The following PROM1 variants were observed in gnomAD, a reference collection of about 807,000 sequenced individuals.
The protein encoded by PROM1 is prominin-1.
A neutral mutation model predicts 116.9 loss-of-function variants in PROM1; 105 were observed. The observed-to-expected ratio is 0.90, with a 90% CI of 0.77 to 1.06. The LOEUF (loss-of-function observed/expected upper bound fraction) is 1.06. Ranked by LOEUF, PROM1 falls within the 50% of genes least tolerant of loss-of-function variation. The pLI, the probability that PROM1 is intolerant of heterozygous loss-of-function variation, is 0.00. For missense variants in PROM1, 1,122 were observed against 1,045.2 expected, an observed-to-expected ratio of 1.07 and a Z score of -1.01; for synonymous variants, 393 against 387.0, an observed-to-expected ratio of 1.02 and a Z score of -0.18.
chr4:15,996,146 G>C (rs1313112927), intron 15 of PROM1, among the ~76,000 whole-genome samples: 1 of 152,208 alleles, frequency 6.6e-6, no homozygotes, highest in Non-Finnish European at 1.5e-5. Flanking sequence ...GCACCATGCA[G>C]GTGCTAGCTC....
chr4:16,034,729 G>A (rs891752213), intron 4 of PROM1, among the ~76,000 whole-genome samples: 4 of 152,136 alleles, frequency 2.6e-5, no homozygotes, highest in African/African-American at 4.8e-5. Flanking sequence ...AGACAGCTGC[G>A]AATTCTGAAG....
At chr4:16,056,843 A>G (rs1305263432) in intron 2 of PROM1, among the ~76,000 whole-genome samples, 1 of 152,146 alleles carries the variant, frequency 6.6e-6, no homozygotes. Flanking sequence ...CTCTCTGCCC[A>G]TTAGGAGGCC....
intron 1 of PROM1, among the ~76,000 whole-genome samples, chr4:16,077,742 A>T (rs868057678): frequency 2.6e-5 from 4 of 152,192 alleles, no homozygotes; most frequent in Admixed American, 6.5e-5. Context: ...AGGCTCTAGT[A>T]CGAGCCACTG....
At chr4:16,047,322 A>G (rs1010118777) in intron 2 of PROM1, among the ~76,000 whole-genome samples, 1 of 152,112 alleles carries the variant, frequency 6.6e-6, no homozygotes, top group African/African-American at 2.4e-5. Flanking sequence ...CTCCTGCCTC[A>G]GCCTCCCAAG....
At chr4:15,991,833 G>T (rs535724204) in intron 17 of PROM1, among the ~76,000 whole-genome samples, 20 of 151,718 alleles carry the variant, frequency 1.3e-4, no homozygotes, top group Non-Finnish European at 2.8e-4. Context: ...CCACTCGGGA[G>T]GCTGAGGCAG....
chr4:15,972,130 TCTC>T (rs906801263), intron 26 of PROM1, among the ~76,000 whole-genome samples: 6 of 152,078 alleles, frequency 3.9e-5, no homozygotes, highest in African/African-American at 1.2e-4. Context: ...CACTGGTTCT[TCTC>T]CTCCTGCCTA....
chr4:15,984,527 G>T (rs577009037), intron 22 of PROM1, among the ~76,000 whole-genome samples, 172 bp from the exon 23 acceptor site: 1 of 152,220 alleles, frequency 6.6e-6, no homozygotes, highest in African/African-American at 2.4e-5. Flanking sequence ...CCGGTCCACA[G>T]CCTGTTAGGA....
rs1156697173 is a variant in PROM1 at position 16,006,616 on chromosome 4, C to G, written c.1376G>C (p.Gly459Ala). The change falls in exon 13 of 28, where the codon GGC becomes GCC. Residue 459 changes from glycine to alanine, a missense_variant. Physicochemically the swap from Gly to Ala is moderately conservative, Grantham distance 60. Coordinates refer to ENST00000447510, the MANE Select transcript of PROM1 (RefSeq NM_006017.3). ...GGCATGCCTGTCATAGCCGCACACG[C>G]CACACAGTAAGCCCAGGTAGTAAAA... ...VIFYYLGLLC[G>A]VCGYDRHATP... 1 of 1,611,466 alleles carries G rather than the reference C, an allele frequency of 6.2e-7. No homozygotes were observed. The highest frequency in any genetic ancestry group is 1.7e-5 in the Admixed American group (1 of 59,684).
intron 2 of PROM1, among the ~76,000 whole-genome samples, chr4:16,063,500 G>A (rs1422890867): frequency 6.6e-6 from 1 of 152,206 alleles, no homozygotes; most frequent in Non-Finnish European, 1.5e-5. Flanking sequence ...GGAGGCCGAA[G>A]CAGGAGAATC....
chr4:16,028,518 C>A (rs1004919994), intron 5 of PROM1, among the ~76,000 whole-genome samples: 18 of 152,172 alleles, frequency 1.2e-4, no homozygotes, highest in Non-Finnish European at 2.6e-4. Context: ...TGCAGACCAA[C>A]TGATGGTCTC....
At chr4:15,998,215 G>C (rs1722809344) in intron 15 of PROM1, among the ~76,000 whole-genome samples, 170 bp downstream of exon 15, 1 of 152,156 alleles carries the variant, frequency 6.6e-6, no homozygotes, top group South Asian at 2.1e-4. Flanking sequence ...TCAGTAGAAG[G>C]AATATATTTT....
At chr4:16,054,147 T>C (rs1429223590) in intron 2 of PROM1, among the ~76,000 whole-genome samples, 1 of 152,146 alleles carries the variant, frequency 6.6e-6, no homozygotes, top group Non-Finnish European at 1.5e-5. Flanking sequence ...TTGCATTCCA[T>C]CATCCAGTTC....
chr4:16,009,492 C>T (rs949624095), intron 11 of PROM1, among the ~76,000 whole-genome samples: 2 of 152,148 alleles, frequency 1.3e-5, no homozygotes. Flanking sequence ...TTGCTAACAG[C>T]GACCCGGAGG....
At chr4:16,011,815 A>C (rs1726943967) in intron 11 of PROM1, among the ~76,000 whole-genome samples, 1 of 152,220 alleles carries the variant, frequency 6.6e-6, no homozygotes, top group Non-Finnish European at 1.5e-5. Flanking sequence ...AAGATAAAAC[A>C]CTTTTCTACT....
At chr4:16,021,146 A>C (rs1729758924) in intron 8 of PROM1, among the ~76,000 whole-genome samples, 2 of 151,758 alleles carry the variant, frequency 1.3e-5, no homozygotes, top group Admixed American at 1.3e-4. Flanking sequence ...ATGTTTTAAG[A>C]AGTTCTGGCA....
intron 8 of PROM1, among the ~76,000 whole-genome samples, chr4:16,020,080 G>A (rs1348701836): frequency 1.3e-5 from 2 of 152,112 alleles, no homozygotes; most frequent in Non-Finnish European, 2.9e-5. Flanking sequence ...ATTCCAGGTT[G>A]TGCCCTAATA....
chr4:15,989,586 A>G (rs1720439276), intron 19 of PROM1, 146 bp downstream of exon 19: 4 of 713,658 alleles, frequency 5.6e-6, no homozygotes, highest in Non-Finnish European at 1.0e-5. Flanking sequence ...TATTTTGTCT[A>G]AAGGCCAGCT....
rs1300041533 is a variant in PROM1 at position 15,992,280 on chromosome 4, CTA to C, written c.1877_1878del (p.Ile626ArgfsTer6). ...AAGTAGCTGTCATAATTCATTCTGT[CTA>C]TTCCACAAGCAGCAAAATCCTGAAG... ...KNLQDFAACG[I>X]DRMNYDSYLA... On this transcript the variant is annotated frameshift_variant, in exon 17 of 28. Transcript: ENST00000447510. LOFTEE classifies it high-confidence loss of function. 6.2e-7 allele frequency: 1 copy of C among 1,613,962 alleles called. No individual in the cohort carries two copies. Among genetic ancestry groups the C allele is most frequent in the East Asian group, 2.2e-5 (1 of 44,878 alleles).
Position 16,032,531 on chromosome 4 carries a change from T to C in PROM1, c.509+773A>G, listed in dbSNP as rs146664847. 5.6e-4 allele frequency among the ~76,000 whole-genome samples: 86 copies of C among 152,322 alleles called. 1 individual carries two copies. The highest frequency in any genetic ancestry group is 1.9e-3 in the African/African-American group (81 of 41,576). On this transcript the variant is annotated intron_variant, in intron 5 of 27. Coordinates refer to ENST00000447510, the MANE Select transcript of PROM1 (RefSeq NM_006017.3). ...CAACCCTTGCTGTGCCTTCATGTCA[T>C]AGGCACATTGATTTCTGCTGCTGCA...
Sources: allele counts gnomAD v4.1 joint callset (sites outside exome capture counted in the v4.1 genomes callset), GRCh38; gene constraint gnomAD v4.1.1; transcripts MANE v1.5; gene names NCBI Gene and HGNC (gene_info 2026-07-23, HGNC 2026-07-21).